The following SNORC variants were observed in gnomAD, a reference collection of about 807,000 sequenced individuals.
SNORC encodes the protein secondary ossification center associated regulator of chondrocyte maturation.
Under a neutral mutation model 9.7 loss-of-function variants are expected in SNORC, and 11 were observed. The ratio of observed to expected loss-of-function variants is 1.14; its 90% CI spans 0.72 to 1.88. The LOEUF is 1.88. SNORC is among the 40% of genes most tolerant of loss of function. The pLI is 0.00. For synonymous variants in SNORC, 108 were observed against 88.7 expected, an observed-to-expected ratio of 1.22 and a Z score of -1.22; for missense variants, 197 against 173.1, an observed-to-expected ratio of 1.14 and a Z score of -0.77.
chr2:232,872,807 C>T (rs982130742), intron 1 of SNORC, among the ~76,000 whole-genome samples: 5 of 151,742 alleles, frequency 3.3e-5, no homozygotes, highest in African/African-American at 1.2e-4. Context: ...GGAATTGCCT[C>T]TCAGCTTTGC....
chr2:232,871,976 C>G (rs1466286114), intron 1 of SNORC, among the ~76,000 whole-genome samples: 3 of 152,190 alleles, frequency 2.0e-5, no homozygotes, highest in Non-Finnish European at 4.4e-5. Context: ...CACAGGATGC[C>G]TTGGGGACAG....
chr2:232,877,003 C>A (rs1487977924), downstream of SNORC: 10 of 985,602 alleles, frequency 1.0e-5, no homozygotes, highest in Non-Finnish European at 1.1e-5. Flanking sequence ...AGGGCAGGGG[C>A]CGTCGGCTCT....
At chr2:232,871,861 G>T (rs531583860) in intron 1 of SNORC, among the ~76,000 whole-genome samples, 98 of 152,272 alleles carry the variant, frequency 6.4e-4, no homozygotes, top group Admixed American at 5.9e-3. Context: ...CTCCTGCCCA[G>T]GTTCCTACTC....
At chr2:232,876,773 G>A (rs937402266), downstream of SNORC, 7 of 985,186 alleles carry the variant, frequency 7.1e-6, no homozygotes, top group African/African-American at 1.0e-4. The surrounding 1 kb of genome is among the most constrained non-coding windows in gnomAD (Gnocchi z 6.8). Flanking sequence ...TAGCCCGTCC[G>A]GGGGCACCGT....
chr2:232,873,494 C>T (rs547341442), intron 1 of SNORC, among the ~76,000 whole-genome samples: 1 of 152,292 alleles, frequency 6.6e-6, no homozygotes, highest in Admixed American at 6.5e-5. Context: ...GGGCTGGAGG[C>T]CTGCCACTCC....
chr2:232,870,367 T>C (rs1182303261), exon 1 of SNORC: 7 of 1,568,196 alleles, frequency 4.5e-6, no homozygotes, highest in Non-Finnish European at 4.3e-6. Flanking sequence ...GCCCTGCGCA[T>C]GGCGCTGCTG....
downstream of SNORC, chr2:232,876,557 C>T (rs1691258151): frequency 8.5e-7 from 1 of 1,178,106 alleles, no homozygotes; most frequent in Non-Finnish European, 1.0e-6. This position sits in a 1 kb window ranked among gnomAD's most constrained non-coding sequence, Gnocchi z 6.8. Context: ...CCCGAATTCC[C>T]CGCAGGGGCG....
upstream of SNORC, among the ~76,000 whole-genome samples, chr2:232,868,340 G>T (rs894856911): frequency 3.9e-5 from 6 of 151,934 alleles, no homozygotes; most frequent in Non-Finnish European, 8.8e-5. Flanking sequence ...CAAGTGATCC[G>T]CCTGCCCCAG....
chr2:232,876,836 G>A, downstream of SNORC: 1 of 985,628 alleles, frequency 1.0e-6, no homozygotes, highest in Middle Eastern at 5.2e-4. This position sits in a 1 kb window ranked among gnomAD's most constrained non-coding sequence, Gnocchi z 6.8. Flanking sequence ...CGCCTCCTCT[G>A]CCTGGGCGCG....
At chr2:232,870,407 G>T in exon 1 of SNORC, 1 of 1,569,230 alleles carries the variant, frequency 6.4e-7, no homozygotes, top group African/African-American at 1.3e-5. Context: ...CCCCTGCGGT[G>T]CTCACAGGTA....
chr2:232,872,530 C>T (rs1385357010), intron 1 of SNORC, among the ~76,000 whole-genome samples: 8 of 152,176 alleles, frequency 5.3e-5, no homozygotes, highest in African/African-American at 9.7e-5. Flanking sequence ...TGGGTCAGAG[C>T]GCGTAGCCAC....
Position 232,876,160 on chromosome 2 carries a change from AT to A in SNORC, c.256+40del. 1 of 366,618 alleles carries A rather than the reference AT, an allele frequency of 2.7e-6. No individual in the cohort carries two copies. The highest frequency in any genetic ancestry group is 2.5e-5 in the South Asian group (1 of 39,728). 22.7% of individuals were successfully genotyped at this position (366,618 alleles called of 1,614,324 possible). ...CGGGGGAGGGAGGGGAGAGGGAGAA[AT>A]TAGGAGGGGCGGGGGGCGGGGGGCG... is the stretch of plus-strand genomic sequence containing the variant. On this transcript the variant is annotated intron_variant, in intron 2 of 2. Transcript: ENST00000331342. The surrounding 1 kb of genome is among the most constrained non-coding windows in gnomAD (Gnocchi z 6.8).
Position 232,876,028 on chromosome 2 carries a change from C to A in SNORC, c.162C>A (p.Pro54=), listed in dbSNP as rs1045693065. Reference sequence around the variant, plus strand: ...AAGGCCCCGTGGAGAGCACCAGCCCCGGCCGGGAGCCCGTGGACACCGGTC... The same window carrying A: ...AAGGCCCCGTGGAGAGCACCAGCCCAGGCCGGGAGCCCGTGGACACCGGTC... Residue 54 remains proline (P), a synonymous_variant, in exon 2 of 3, where the codon CCC becomes CCA. Coordinates refer to ENST00000331342, the Ensembl canonical transcript of SNORC. The surrounding 1 kb of genome is among the most constrained non-coding windows in gnomAD (Gnocchi z 6.8). 6.5e-7 allele frequency: 1 copy of A among 1,545,884 alleles called. No homozygotes were observed. Among genetic ancestry groups the A allele is most frequent in the East Asian group, 2.4e-5 (1 of 41,168 alleles).
At chr2:232,871,391 C>T (rs968528296) in intron 1 of SNORC, among the ~76,000 whole-genome samples, 2 of 152,158 alleles carry the variant, frequency 1.3e-5, no homozygotes, top group Non-Finnish European at 2.9e-5. Flanking sequence ...CAGTCTTGAC[C>T]GGGCGGTTTC....
chr2:232,874,578 C>T (rs1012599559), intron 1 of SNORC, among the ~76,000 whole-genome samples: 1 of 152,216 alleles, frequency 6.6e-6, no homozygotes, highest in Non-Finnish European at 1.5e-5. Flanking sequence ...GATGTTTCTG[C>T]GTGGTTTGCC....
In SNORC at chr2:232,876,383, G is replaced by T; in HGVS notation, c.*27G>T. 1 of 1,512,756 alleles carries T rather than the reference G, an allele frequency of 6.6e-7. No individual in the cohort carries two copies. The allele number at this position is 1,512,756 out of a possible 1,614,324, so 93.7% of individuals were successfully genotyped here. On this transcript the variant is annotated 3_prime_UTR_variant, in exon 3 of 3. Transcript: ENST00000331342. The surrounding 1 kb of genome is among the most constrained non-coding windows in gnomAD (Gnocchi z 6.8). Reference sequence around the variant, plus strand: ...GCGAATAAAGGGGCCGCGCCCGGCCGCGGCGCGACTCGGCTGCACTCCTCA... The same window carrying T: ...GCGAATAAAGGGGCCGCGCCCGGCCTCGGCGCGACTCGGCTGCACTCCTCA...
At chr2:232,875,413 C>A in intron 1 of SNORC, 1 of 322,292 alleles carries the variant, frequency 3.1e-6, no homozygotes, top group Non-Finnish European at 6.7e-6. Flanking sequence ...GATGGTCTGG[C>A]TGGGCTGGAG....
chr2:232,874,997 C>T (rs758105478), intron 1 of SNORC, among the ~76,000 whole-genome samples: 12 of 152,208 alleles, frequency 7.9e-5, no homozygotes, highest in African/African-American at 1.4e-4. Flanking sequence ...TCCAGGGAAC[C>T]GGCTTGAGGG....
upstream of SNORC, chr2:232,870,234 T>C: frequency 1.9e-6 from 2 of 1,034,338 alleles, no homozygotes; most frequent in South Asian, 2.7e-5. Context: ...GAGTTTGCAT[T>C]GATGAAAACC....
Sources: gnomAD v4.1 joint callset for allele counts (sites outside exome capture counted in the v4.1 genomes callset) on GRCh38, gnomAD v4.1.1 for gene constraint, Gnocchi (gnomAD v3.1) non-coding constraint, MANE v1.5 for transcripts, NCBI Gene and HGNC (gene_info 2026-07-23, HGNC 2026-07-21) for gene names.